Variants in PEX13 observed in about 807,000 individuals in gnomAD.
The protein encoded by PEX13 is peroxisome biogenesis factor 13.
Under a neutral mutation model 34.5 loss-of-function variants are expected in PEX13, and 28 were observed. That is an observed-to-expected ratio of 0.81 (90% confidence interval 0.60 to 1.11). The LOEUF (loss-of-function observed/expected upper bound fraction) is 1.11. Among genes scored for constraint, PEX13 ranks in the 50% most tolerant of loss-of-function variants. The probability of loss-of-function intolerance (pLI) is 0.00; values close to 1 mark genes in which losing one functional copy is unlikely to be tolerated. For synonymous variants in PEX13, 177 were observed against 175.1 expected, an observed-to-expected ratio of 1.01 and a Z score of -0.09; for missense variants, 550 against 491.0, an observed-to-expected ratio of 1.12 and a Z score of -1.13.
At chr2:61,019,786 C>T (rs1162927319) in intron 1 of PEX13, among the ~76,000 whole-genome samples, 1 of 152,102 alleles carries the variant, frequency 6.6e-6, no homozygotes, top group Non-Finnish European at 1.5e-5. Context: ...TGTAGTATGT[C>T]AAGAGTTTCC....
chr2:61,019,584 T>C (rs535121914), intron 1 of PEX13, among the ~76,000 whole-genome samples: 56 of 152,332 alleles, frequency 3.7e-4, no homozygotes, highest in African/African-American at 1.2e-3. Context: ...TGACTTTGTA[T>C]AAAAATCTAA....
intron 1 of PEX13, among the ~76,000 whole-genome samples, chr2:61,024,944 A>G (rs1483495019): frequency 1.3e-5 from 2 of 152,200 alleles, no homozygotes; most frequent in South Asian, 2.1e-4. Context: ...GAAAATCCCA[A>G]TCTTGCCTTT....
At chr2:61,040,347 C>G (rs1336929951) in intron 2 of PEX13, among the ~76,000 whole-genome samples, 1 of 152,022 alleles carries the variant, frequency 6.6e-6, no homozygotes, top group Admixed American at 6.6e-5. Flanking sequence ...ACATGTCCAT[C>G]AATGATAGAC....
chr2:61,040,068 A>G (rs1320753230), intron 2 of PEX13, among the ~76,000 whole-genome samples: 1 of 152,218 alleles, frequency 6.6e-6, no homozygotes. Context: ...TAGAATGATC[A>G]TTAAAAAGTC....
At chr2:61,025,349 T>C (rs1245673754) in intron 1 of PEX13, among the ~76,000 whole-genome samples, 2 of 150,802 alleles carry the variant, frequency 1.3e-5, no homozygotes, top group African/African-American at 2.4e-5. Context: ...TCATTATTAT[T>C]ATTATTATCA....
intron 2 of PEX13, among the ~76,000 whole-genome samples, chr2:61,036,753 T>G (rs993808524): frequency 6.6e-6 from 1 of 152,164 alleles, no homozygotes; most frequent in African/African-American, 2.4e-5. Flanking sequence ...TCATAATGAA[T>G]GACAGGATCA....
At position 61,027,089 on chromosome 2, in the gene PEX13, A is replaced by G. The variant is rs543973910; in HGVS notation, c.93-4330A>G. ...TGTAATCTTAGCTCTTTGGGAGGCC[A>G]AGGCAGGAGGATTGCTTGAGCCCAG... On this transcript the variant is annotated intron_variant, in intron 1 of 3. Transcript: ENST00000295030. Among the ~76,000 whole-genome samples, 27 of 151,836 alleles carry G rather than the reference A, an allele frequency of 1.8e-4. No individual in the cohort carries two copies. The East Asian group carries it at 5.0e-3, about 28-fold the overall frequency.
At position 61,031,323 on chromosome 2, in the gene PEX13, G is replaced by A; in HGVS notation, c.93-96G>A. The A allele has an allele frequency of 3.4e-6, 3 of 886,206 alleles. No individual in the cohort carries two copies. The South Asian group carries it at 4.2e-5, about 12-fold the overall frequency. 54.9% of individuals were successfully genotyped at this position (886,206 alleles called of 1,614,324 possible). A position where few individuals can be genotyped will look rare whatever the true frequency, so the allele number is the denominator to read the frequency against. ...AATTAATCAGTCTTCAGTAGAATTT[G>A]TCATAGCACCAGGTATATAGGAGAT... On this transcript the variant is annotated intron_variant, in intron 1 of 3. Coordinates refer to ENST00000295030, the MANE Select transcript of PEX13 (RefSeq NM_002618.4).
chr2:61,020,050 C>T (rs1235586118), intron 1 of PEX13, among the ~76,000 whole-genome samples: 3 of 152,044 alleles, frequency 2.0e-5, no homozygotes, highest in African/African-American at 4.8e-5. Flanking sequence ...GGAGAAACCC[C>T]GTCTCTACTA....
rs145560318 is a variant in PEX13 at position 61,031,350 on chromosome 2, T to C, written c.93-69T>C. The C allele has an allele frequency of 1.5e-3, 1,774 of 1,154,256 alleles. 1 individual carries two copies. Among genetic ancestry groups the C allele is most frequent in the Non-Finnish European group, 2.0e-3 (1,587 of 779,752 alleles). 71.5% of individuals were successfully genotyped at this position (1,154,256 alleles called of 1,614,324 possible). The stretch of plus-strand genomic sequence containing the variant: ...CATAGCACCAGGTATATAGGAGATG[T>C]TTAATACTTACTTTGAATTGAATTT... On this transcript the variant is annotated intron_variant, in intron 1 of 3. Coordinates refer to ENST00000295030, the MANE Select transcript of PEX13 (RefSeq NM_002618.4).
rs1425821952 is a variant in PEX13, at chr2:61,051,298, A to G, written c.*2528A>G. The G allele has an allele frequency of 6.6e-6, 1 of 152,374 alleles. No individual in the cohort carries two copies. Among genetic ancestry groups the G allele is most frequent in the Non-Finnish European group, 1.5e-5 (1 of 68,040 alleles). 9.4% of individuals were successfully genotyped at this position (152,374 alleles called of 1,614,324 possible). ...TTTGTTCTCAAAACAAATGTTTGAT[A>G]AAACAGATTATTAAATTTGGGGTTG... is the stretch of plus-strand genomic sequence containing the variant. On this transcript the variant is annotated 3_prime_UTR_variant, in exon 4 of 4. Coordinates refer to ENST00000295030, the MANE Select transcript of PEX13 (RefSeq NM_002618.4).
chr2:61,045,947 T>G, intron 3 of PEX13, 96 bp downstream of exon 3: 1 of 1,071,644 alleles, frequency 9.3e-7, no homozygotes, highest in South Asian at 1.3e-5. Context: ...TCATTGTTAG[T>G]TAACTTAGAG....
chr2:61,045,903 A>G, intron 3 of PEX13, 52 bp downstream of exon 3: 3 of 1,419,640 alleles, frequency 2.1e-6, no homozygotes, highest in Non-Finnish European at 2.0e-6. Flanking sequence ...ATATTCATAA[A>G]TGCAGTATTA....
At chr2:61,018,178 T>G in intron 1 of PEX13, 1 of 1,550,830 alleles carries the variant, frequency 6.4e-7, no homozygotes, top group East Asian at 2.4e-5. Context: ...TTCTCTATCT[T>G]TAAAGCGTAG....
At chr2:61,022,575 A>G (rs1680282712) in intron 1 of PEX13, among the ~76,000 whole-genome samples, 1 of 152,218 alleles carries the variant, frequency 6.6e-6, no homozygotes, top group African/African-American at 2.4e-5. Flanking sequence ...TGCAATTCCA[A>G]ATTCTATTCT....
intron 1 of PEX13, among the ~76,000 whole-genome samples, chr2:61,031,207 C>T (rs1680443817): frequency 6.6e-6 from 1 of 152,210 alleles, no homozygotes; most frequent in Non-Finnish European, 1.5e-5. Context: ...GGGAGGATCA[C>T]TTGAGCCTGG....
chr2:61,032,735 G>C (rs1007109440), intron 2 of PEX13, among the ~76,000 whole-genome samples: 3 of 152,124 alleles, frequency 2.0e-5, no homozygotes, highest in East Asian at 3.9e-4. Flanking sequence ...CTTTAGAAAA[G>C]AGAAGCTAAC....
chr2:61,030,109 T>A (rs1331782153), intron 1 of PEX13, among the ~76,000 whole-genome samples: 1 of 152,174 alleles, frequency 6.6e-6, no homozygotes, highest in East Asian at 1.9e-4. Flanking sequence ...TGATACATGC[T>A]ATAAAATGGA....
intron 2 of PEX13, among the ~76,000 whole-genome samples, chr2:61,033,616 TA>T (rs1559036992): frequency 6.6e-6 from 1 of 152,034 alleles, no homozygotes; most frequent in Non-Finnish European, 1.5e-5. Flanking sequence ...GTAAGTGCTA[TA>T]GGGGAAAAAA....
Sources: allele counts gnomAD v4.1 joint callset (sites outside exome capture counted in the v4.1 genomes callset), GRCh38; gene constraint gnomAD v4.1.1; transcripts MANE v1.5; gene names NCBI Gene and HGNC (gene_info 2026-07-23, HGNC 2026-07-21).